Variants in PTCHD1 observed in about 807,000 individuals in gnomAD.
PTCHD1 encodes patched domain containing 1.
A neutral mutation model predicts 34.6 loss-of-function variants in PTCHD1; 3 were observed. The observed-to-expected ratio is 0.09, with a 90% CI of 0.04 to 0.22. The LOEUF is 0.22. PTCHD1 is among the 10% of genes least tolerant of loss of function. The pLI is 1.00. For missense variants in PTCHD1, 504 were observed against 685.5 expected (o/e 0.74, Z 2.96); for synonymous variants, 305 against 283.1 (o/e 1.08, Z -0.77).
At position 23,379,893 on chromosome X, in the gene PTCHD1, C is replaced by T. The variant is rs774311691; in HGVS notation, c.654C>T (p.Ile218=). 2 of 1,211,797 alleles carry T rather than the reference C, an allele frequency of 1.7e-6. No homozygotes were observed. Among genetic ancestry groups the T allele is most frequent in the East Asian group, 3.0e-5 (1 of 33,852 alleles). ...AIQLTYYLQS[I]NSLNDMVAER... ...AGCTCACCTACTACCTGCAGTCAAT[C>T]AACAGTCTCAATGACATGGTGGCTG... The change falls in exon 2 of 3, where the codon ATC becomes ATT. Residue 218 remains isoleucine, a synonymous_variant. Transcript: ENST00000379361.
In PTCHD1 at chrX:23,345,606, G is replaced by C. The variant is rs1156517228; in HGVS notation, c.351+10380G>C. 3.6e-5 allele frequency among the ~76,000 whole-genome samples: 4 copies of C among 112,043 alleles called. No homozygotes were observed. The East Asian group carries it at 8.4e-4, about 24-fold the overall frequency. ...GTGGTCTCCACCCCAGAGAGTTTCT[G>C]AGTCAGTAGGTCTGGGGTGGAGCCT... On this transcript the variant is annotated intron_variant, in intron 1 of 2. Coordinates refer to ENST00000379361, the MANE Select transcript of PTCHD1 (RefSeq NM_173495.3).
At chrX:23,340,074 G>C (rs936798656) in intron 1 of PTCHD1, among the ~76,000 whole-genome samples, 2 of 111,920 alleles carry the variant, frequency 1.8e-5, no homozygotes. Flanking sequence ...GAGGCACAGC[G>C]TAGCCCCCAC....
chrX:23,380,303 G>C, intron 2 of PTCHD1, 52 bp downstream of exon 2: 1 of 1,119,752 alleles, frequency 8.9e-7, no homozygotes, highest in East Asian at 3.0e-5. Context: ...GTGTTGACTA[G>C]GTTCCTAAAA....
rs569427438 is a variant in PTCHD1 at position 23,360,134 on chromosome X, A to C, written c.352-19457A>C. 1.7e-4 allele frequency among the ~76,000 whole-genome samples: 19 copies of C among 111,599 alleles called. No individual in the cohort carries two copies. The East Asian group carries it at 4.7e-3, about 28-fold the overall frequency. Reference sequence around the variant, plus strand: ...CTTTTTTTGTTGTGTCTCTGCCAGGATTTGGTATCAGGATGATGCTGGCCT... The same window carrying C: ...CTTTTTTTGTTGTGTCTCTGCCAGGCTTTGGTATCAGGATGATGCTGGCCT... On this transcript the variant is annotated intron_variant, in intron 1 of 2. Coordinates refer to ENST00000379361, the MANE Select transcript of PTCHD1 (RefSeq NM_173495.3).
intron 1 of PTCHD1, among the ~76,000 whole-genome samples, chrX:23,335,807 G>A (rs1921155243): frequency 9.0e-6 from 1 of 111,718 alleles, no homozygotes; most frequent in African/African-American, 3.3e-5. Context: ...GTGGTCTCTG[G>A]CGAGGACAGG....
At chrX:23,336,192 G>A (rs1601899331) in intron 1 of PTCHD1, among the ~76,000 whole-genome samples, 1 of 112,186 alleles carries the variant, frequency 8.9e-6, no homozygotes, top group African/African-American at 3.2e-5. Flanking sequence ...GAAAAGCAGA[G>A]GAGTGAGGAC....
intron 1 of PTCHD1, among the ~76,000 whole-genome samples, chrX:23,358,952 G>A (rs1214044845): frequency 8.9e-6 from 1 of 111,989 alleles, no homozygotes; most frequent in East Asian, 2.8e-4. Context: ...AAGATCAGAT[G>A]GTTGTAGATG....
chrX:23,348,813 A>C (rs1921549871), intron 1 of PTCHD1, among the ~76,000 whole-genome samples: 1 of 112,130 alleles, frequency 8.9e-6, no homozygotes, highest in Admixed American at 9.5e-5. Context: ...AGAAAAAGGA[A>C]AATTATATAG....
intron 1 of PTCHD1, among the ~76,000 whole-genome samples, chrX:23,354,900 A>G (rs1051282220): frequency 3.6e-5 from 4 of 109,725 alleles, no homozygotes; most frequent in Non-Finnish European, 5.7e-5. Context: ...AACTGCTGCT[A>G]GCCATTCTGT....
At chrX:23,350,086 AAAAGACCTGTGTGGCC>A (rs1921587720) in intron 1 of PTCHD1, among the ~76,000 whole-genome samples, 1 of 100,573 alleles carries the variant, frequency 9.9e-6, no homozygotes, top group Non-Finnish European at 2.0e-5. Flanking sequence ...AAAAAAAAAA[AAAAGACCTGTGTGGCC>A]AAATAACTTT....
chrX:23,379,447 T>C (rs1922496409), intron 1 of PTCHD1, 144 bp from the exon 2 acceptor site: 1 of 598,603 alleles, frequency 1.7e-6, no homozygotes, highest in East Asian at 3.6e-5. Context: ...AAATGTGTGT[T>C]TCACATTCCT....
chrX:23,339,367 G>T (rs982390108), intron 1 of PTCHD1, among the ~76,000 whole-genome samples: 2 of 111,645 alleles, frequency 1.8e-5, no homozygotes, highest in Non-Finnish European at 3.8e-5. Flanking sequence ...TTTGTACAAA[G>T]TCCTCTTCTT....
Position 23,366,840 on chromosome X carries a change from G to C in PTCHD1, c.352-12751G>C, listed in dbSNP as rs750773090. Among the ~76,000 whole-genome samples the C allele has an allele frequency of 4.5e-5, 5 of 110,170 alleles. No homozygotes were observed. The East Asian group carries it at 1.4e-3, about 31-fold the overall frequency. On this transcript the variant is annotated intron_variant, in intron 1 of 2. Transcript: ENST00000379361. ...CTAATAAATTTCAATGAATGAATAAGATCCTCCGTCGTCTGACCCCTGTCT... is the reference window on the plus strand; with the variant it reads ...CTAATAAATTTCAATGAATGAATAACATCCTCCGTCGTCTGACCCCTGTCT...
chrX:23,378,082 T>C (rs1922459583), intron 1 of PTCHD1, among the ~76,000 whole-genome samples: 1 of 112,221 alleles, frequency 8.9e-6, no homozygotes, highest in Non-Finnish European at 1.9e-5. Flanking sequence ...ACTAGTTTAC[T>C]TAACACTCAA....
chrX:23,334,787 TGCC>T (rs879170954), upstream of PTCHD1: 2,762 of 347,022 alleles, frequency 8.0e-3, 8 homozygotes, highest in South Asian at 0.022. Flanking sequence ...CGGGCGCCGC[TGCC>T]GCCGCCGCCG....
chrX:23,347,668 C>T (rs1049306256), intron 1 of PTCHD1, among the ~76,000 whole-genome samples: 1 of 111,330 alleles, frequency 9.0e-6, no homozygotes, highest in Non-Finnish European at 1.9e-5. Context: ...CAAAATCAGA[C>T]TCGGATATGG....
At chrX:23,375,408 G>A (rs1922387349) in intron 1 of PTCHD1, among the ~76,000 whole-genome samples, 2 of 109,017 alleles carry the variant, frequency 1.8e-5, no homozygotes, top group Non-Finnish European at 3.8e-5. Flanking sequence ...TCCTGCCTCA[G>A]CCTCCCATGT....
chrX:23,381,259 C>T (rs1309987602), intron 2 of PTCHD1, among the ~76,000 whole-genome samples: 1 of 112,259 alleles, frequency 8.9e-6, no homozygotes, highest in Non-Finnish European at 1.9e-5. Flanking sequence ...CAAAACAAAG[C>T]CATAGTGGCC....
At position 23,391,104 on chromosome X, in the gene PTCHD1, G is replaced by A. The variant is rs762187813; in HGVS notation, c.1013-1427G>A. Among the ~76,000 whole-genome samples, 4 of 111,533 alleles carry A rather than the reference G, an allele frequency of 3.6e-5. No homozygotes were observed. The Admixed American group carries it at 3.8e-4, about 11-fold the overall frequency. ...TAGGGAAATGTCTGGCTCCAACTAC[G>A]AGAGGTGGTAGAAGTCATGCTAGAT... On this transcript the variant is annotated intron_variant, in intron 2 of 2. Coordinates refer to ENST00000379361, the MANE Select transcript of PTCHD1 (RefSeq NM_173495.3).
Sources: gnomAD v4.1 joint callset for allele counts (sites outside exome capture counted in the v4.1 genomes callset) on GRCh38, gnomAD v4.1.1 for gene constraint, MANE v1.5 for transcripts, NCBI Gene and HGNC (gene_info 2026-07-23, HGNC 2026-07-21) for gene names.